The following CCDC102A variants were observed in gnomAD, a reference collection of about 807,000 sequenced individuals.
CCDC102A encodes the protein coiled-coil domain containing 102A, also known as coiled-coil domain-containing protein 102A.
Under a neutral mutation model 55.5 loss-of-function variants are expected in CCDC102A, and 40 were observed. The ratio of observed to expected loss-of-function variants is 0.72; its 90% CI spans 0.56 to 0.94. The LOEUF is 0.94. CCDC102A is among the 40% of genes least tolerant of loss of function. CCDC102A has a pLI of 0.00. For missense variants in CCDC102A, 779 were observed against 768.6 expected, an observed-to-expected ratio of 1.01 and a Z score of -0.16; for synonymous variants, 323 against 339.0, an observed-to-expected ratio of 0.95 and a Z score of 0.52.
intron 2 of CCDC102A, among the ~76,000 whole-genome samples, chr16:57,527,488 C>T (rs1354262023): frequency 6.9e-6 from 1 of 144,792 alleles, no homozygotes; most frequent in Non-Finnish European, 1.5e-5. Flanking sequence ...GGTGTGATCT[C>T]GGCTCACTGC....
Position 57,529,277 on chromosome 16 carries a change from G to T in CCDC102A, c.-100C>A. 1.8e-6 allele frequency: 2 copies of T among 1,117,384 alleles called. No homozygotes were observed. Among genetic ancestry groups the T allele is most frequent in the Non-Finnish European group, 2.2e-6 (2 of 913,286 alleles). The allele number at this position is 1,117,384 out of a possible 1,614,324, so 69.2% of individuals were successfully genotyped here. ...CGATACAACTGTGCATGATGACGCC[G>T]TGCCCCGCTTCCCTCTGGGCCACCG... On this transcript the variant is annotated 5_prime_UTR_variant, in exon 2 of 9. Coordinates refer to ENST00000258214, the MANE Select transcript of CCDC102A (RefSeq NM_033212.4). This position sits in a 1 kb window ranked among gnomAD's most constrained non-coding sequence, Gnocchi z 4.1.
At position 57,521,194 on chromosome 16, in the gene CCDC102A, A is replaced by G. The variant is rs1393920656; in HGVS notation, c.813-18T>C. The G allele has an allele frequency of 4.4e-6, 7 of 1,591,858 alleles. No individual in the cohort carries two copies. The African/African-American group carries it at 6.7e-5, about 15-fold the overall frequency. On this transcript the variant is annotated intron_variant, in intron 3 of 8. Transcript: ENST00000258214. ...GTTTATCCCTGGGGAAGGGACAGAC[A>G]TGGGGGTGAGCCCACCAAGGCCCTC...
At position 57,529,436 on chromosome 16, in the gene CCDC102A, C is replaced by T. The variant is rs1598078852; in HGVS notation, c.-147-112G>A. ...ACGGCCAAGGTAGGAGGAGAGAGTT[C>T]TGTTCCAGGAGAGTCCCAATGAGGC... is the stretch of plus-strand genomic sequence containing the variant. On this transcript the variant is annotated intron_variant, in intron 1 of 8. Coordinates refer to ENST00000258214, the MANE Select transcript of CCDC102A (RefSeq NM_033212.4). This position sits in a 1 kb window ranked among gnomAD's most constrained non-coding sequence, Gnocchi z 4.1. 4.4e-6 allele frequency: 1 copy of T among 225,026 alleles called. No homozygotes were observed. Among genetic ancestry groups the T allele is most frequent in the Admixed American group, 6.1e-5 (1 of 16,270 alleles). The allele number at this position is 225,026 out of a possible 1,614,324, so 13.9% of individuals were successfully genotyped here.
chr16:57,528,718 C>T lies in CCDC102A; in HGVS notation c.460G>A (p.Gly154Ser). The T allele has an allele frequency of 8.8e-7, 1 of 1,141,126 alleles. No homozygotes were observed. Among genetic ancestry groups the T allele is most frequent in the Non-Finnish European group, 1.1e-6 (1 of 923,202 alleles). 70.7% of individuals were successfully genotyped at this position (1,141,126 alleles called of 1,614,324 possible). A position where few individuals can be genotyped will look rare whatever the true frequency, so the allele number is the denominator to read the frequency against. Residue 154 changes from glycine to serine, a missense_variant, in exon 2 of 9, where the codon GGC (glycine) becomes AGC (serine). Gly to Ser is a moderately conservative substitution (Grantham distance 56, BLOSUM62 0). Transcript: ENST00000258214. ...QEAQGECEAR[G>S]RELARLRGAR... ...CCCCTCAGCCGCGCCAGCTCGCGGCCCCGTGCCTCGCACTCGCCCTGCGCC... is the reference window on the plus strand; with the variant it reads ...CCCCTCAGCCGCGCCAGCTCGCGGCTCCGTGCCTCGCACTCGCCCTGCGCC...
chr16:57,528,308 T>C (rs12917875), intron 2 of CCDC102A, among the ~76,000 whole-genome samples: 74,159 of 152,082 alleles, frequency 0.49, 20,442 homozygotes, highest in African/African-American at 0.76. Flanking sequence ...AGCTAACTTC[T>C]AGGCAAGTTG....
At chr16:57,524,968 C>T (rs2032111843) in intron 3 of CCDC102A, among the ~76,000 whole-genome samples, 1 of 152,190 alleles carries the variant, frequency 6.6e-6, no homozygotes, top group Non-Finnish European at 1.5e-5. Flanking sequence ...GTCTCCTCTG[C>T]TGTTTCCCTT....
At chr16:57,526,513 T>G (rs915471962) in intron 2 of CCDC102A, among the ~76,000 whole-genome samples, 1 of 152,212 alleles carries the variant, frequency 6.6e-6, no homozygotes, top group African/African-American at 2.4e-5. Flanking sequence ...ATCCTGTTTT[T>G]TCAGGGGCAA....
rs1477246435 is a variant in CCDC102A, at chr16:57,524,602, G to GT, written c.812+1298_812+1299insA. On this transcript the variant is annotated intron_variant, in intron 3 of 8. Transcript: ENST00000258214. ...AAAAAAATATATATATATATAGAGA[G>GT]AGAGACAGGGTCTTGCTGTATGGCC... is the stretch of plus-strand genomic sequence containing the variant. Among the ~76,000 whole-genome samples, 399 of 75,688 alleles carry GT rather than the reference G, an allele frequency of 5.3e-3. 5 individuals are homozygous for GT. Among genetic ancestry groups the GT allele is most frequent in the Middle Eastern group, 0.03 (4 of 132 alleles). The allele number at this position is 75,688 out of a possible 152,430, so 49.7% of individuals were successfully genotyped here.
chr16:57,522,028 G>C (rs145979236), intron 3 of CCDC102A, among the ~76,000 whole-genome samples: 2 of 152,300 alleles, frequency 1.3e-5, no homozygotes, highest in East Asian at 1.9e-4. Flanking sequence ...CTGACTCCCT[G>C]CAATGCCCTG....
chr16:57,531,727 CCT>C lies in CCDC102A; in HGVS notation c.-147-2405_-147-2404del, dbSNP rs1391240308. On this transcript the variant is annotated intron_variant, in intron 1 of 8. Transcript: ENST00000258214. Reference sequence around the variant, plus strand: ...CCACTGCACTGCCCACCCCCATGTCCCTCTCTTTCCCAGCTCACCTTCTGTGC... The same window carrying C: ...CCACTGCACTGCCCACCCCCATGTCCCTCTTTCCCAGCTCACCTTCTGTGC... Among the ~76,000 whole-genome samples the C allele has an allele frequency of 2.2e-4, 33 of 152,156 alleles. 1 individual carries two copies.
Position 57,529,058 on chromosome 16 carries a change from G to A in CCDC102A, c.120C>T (p.Pro40=), listed in dbSNP as rs2146713748. The A allele has an allele frequency of 1.8e-6, 2 of 1,142,822 alleles. No individual in the cohort carries two copies. The highest frequency in any genetic ancestry group is 1.1e-6 in the Non-Finnish European group (1 of 930,886). The allele number at this position is 1,142,822 out of a possible 1,614,324, so 70.8% of individuals were successfully genotyped here. Residue 40 remains proline (P), a synonymous_variant, in exon 2 of 9, where the codon CCC becomes CCT. Transcript: ENST00000258214. The surrounding 1 kb of genome is among the most constrained non-coding windows in gnomAD (Gnocchi z 4.1). The part of the protein sequence containing the change: ...ERMGPADSLP[P]TPPSGTPSPG... ...GCGAGGGCGTGCCGCTGGGCGGCGT[G>A]GGCGGCAAGGAGTCGGCAGGCCCCA...
intron 2 of CCDC102A, among the ~76,000 whole-genome samples, chr16:57,527,180 G>A (rs1009656808): frequency 6.6e-6 from 1 of 151,280 alleles, no homozygotes; most frequent in African/African-American, 2.4e-5. Flanking sequence ...AGGAGGGGCA[G>A]TCTTATTTGG....
chr16:57,513,686 A>C (rs1350389887), intron 8 of CCDC102A, among the ~76,000 whole-genome samples: 1 of 152,204 alleles, frequency 6.6e-6, no homozygotes, highest in African/African-American at 2.4e-5. Flanking sequence ...GGAAAGCCCC[A>C]AGGCTAAGTG....
In CCDC102A at chr16:57,520,595, A is replaced by ACATAACATAAC. The variant is rs1555519315; in HGVS notation, c.921+472_921+473insGTTATGTTATG. Among the ~76,000 whole-genome samples, 234 of 121,574 alleles carry ACATAACATAAC rather than the reference A, an allele frequency of 1.9e-3. 1 individual carries two copies. Among genetic ancestry groups the ACATAACATAAC allele is most frequent in the African/African-American group, 2.4e-3 (72 of 29,932 alleles). 79.8% of individuals were successfully genotyped at this position (121,574 alleles called of 152,430 possible). Reference sequence around the variant, plus strand: ...ACATAACATAACATAACATAACATAAATAAAATAAAATAAATAAAATAAAA... The same window carrying ACATAACATAAC: ...ACATAACATAACATAACATAACATAACATAACATAACATAAAATAAAATAAATAAAATAAAA... On this transcript the variant is annotated intron_variant, in intron 4 of 8. Transcript: ENST00000258214.
At chr16:57,521,024 G>A (rs762942217) in intron 4 of CCDC102A, 44 bp downstream of exon 4, 8 of 1,286,006 alleles carry the variant, frequency 6.2e-6, no homozygotes, top group Admixed American at 3.4e-5. Flanking sequence ...TCAACAGCGC[G>A]ATCCTGCCGC....
intron 4 of CCDC102A, among the ~76,000 whole-genome samples, chr16:57,520,621 T>TAAAATAAATA: frequency 6.9e-6 from 1 of 144,550 alleles, no homozygotes; most frequent in South Asian, 2.3e-4. Context: ...TAAAATAAAA[T>TAAAATAAATA]AAAATAAATA....
chr16:57,522,003 C>T lies in CCDC102A; in HGVS notation c.813-827G>A, dbSNP rs74019537. Among the ~76,000 whole-genome samples the T allele has an allele frequency of 5.0e-3, 762 of 152,274 alleles. 7 individuals are homozygous for T. Among genetic ancestry groups the T allele is most frequent in the African/African-American group, 0.015 (609 of 41,546 alleles). On this transcript the variant is annotated intron_variant, in intron 3 of 8. Transcript: ENST00000258214. The stretch of plus-strand genomic sequence containing the variant: ...CAATGATTAGGGGTCATTTAGTGGA[C>T]GGGGGCCAGGGTGCCTGACTCCCTG...
intron 5 of CCDC102A, 104 bp from the exon 6 acceptor site, chr16:57,518,381 G>A: frequency 9.3e-7 from 1 of 1,080,454 alleles, no homozygotes; most frequent in South Asian, 1.5e-5. Context: ...GCTCCAGGAA[G>A]CAGATCCAGC....
chr16:57,532,734 CAG>C (rs1326933155), intron 1 of CCDC102A, among the ~76,000 whole-genome samples: 1 of 139,552 alleles, frequency 7.2e-6, no homozygotes, highest in Non-Finnish European at 1.6e-5. Flanking sequence ...CACACACACA[CAG>C]AGGCAGACAC....
Sources: gnomAD v4.1 joint callset for allele counts (sites outside exome capture counted in the v4.1 genomes callset) on GRCh38, gnomAD v4.1.1 for gene constraint, Gnocchi (gnomAD v3.1) non-coding constraint, MANE v1.5 for transcripts, NCBI Gene and HGNC (gene_info 2026-07-23, HGNC 2026-07-21) for gene names.